The following SKAP1 variants were observed in gnomAD, a reference collection of about 807,000 sequenced individuals.
The protein encoded by SKAP1 is src kinase-associated phosphoprotein 1.
Under a neutral mutation model 58.5 loss-of-function variants are expected in SKAP1, and 44 were observed. The ratio of observed to expected loss-of-function variants is 0.75; its 90% CI spans 0.59 to 0.97. SKAP1 has a LOEUF of 0.97. SKAP1 is among the 50% of genes least tolerant of loss of function. The probability of loss-of-function intolerance (pLI) is 0.00; values close to 1 mark genes in which losing one functional copy is unlikely to be tolerated. For synonymous variants in SKAP1, 127 were observed against 149.7 expected (o/e 0.85, Z 1.11); for missense variants, 390 against 435.2 (o/e 0.90, Z 0.92).
At chr17:48,193,791 T>A (rs894747307) in intron 4 of SKAP1, 3 of 931,060 alleles carry the variant, frequency 3.2e-6, no homozygotes, top group East Asian at 1.2e-4. Context: ...AACGAACAGA[T>A]CTGCAGAGAA....
intron 4 of SKAP1, chr17:48,204,158 G>A (rs976018781): frequency 1.3e-5 from 2 of 151,162 alleles, no homozygotes; most frequent in African/African-American, 4.9e-5. Flanking sequence ...ATCTCGGCTG[G>A]AGTGCAATGG....
intron 4 of SKAP1, among the ~76,000 whole-genome samples, chr17:48,294,092 T>G (rs1026310378): frequency 2.0e-5 from 3 of 152,200 alleles, no homozygotes; most frequent in African/African-American, 7.2e-5. Flanking sequence ...AAGCAAGCTG[T>G]CACACCTACA....
At chr17:48,431,824 G>A (rs1227106472), upstream of SKAP1, among the ~76,000 whole-genome samples, 1 of 152,180 alleles carries the variant, frequency 6.6e-6, no homozygotes, top group Non-Finnish European at 1.5e-5. Context: ...ACAGCCATAA[G>A]GGGAATAATG....
the SKAP1 span, among the ~76,000 whole-genome samples, chr17:48,435,994 G>A: frequency 1.8e-4 from 28 of 152,264 alleles, no homozygotes; most frequent in Non-Finnish European, 1.9e-4. Flanking sequence ...AGTGGATATC[G>A]TTGGTCCTCA....
rs1598479154 is a variant in SKAP1 at position 48,257,936 on chromosome 17, T to C, written c.281-68436A>G. The stretch of plus-strand genomic sequence containing the variant: ...GATTTGCTCACAAAGGAAGAGCAGC[T>C]TTGAGAATGGGCCACATGGATGAGA... On this transcript the variant is annotated intron_variant, in intron 4 of 12. Coordinates refer to ENST00000336915, the MANE Select transcript of SKAP1 (RefSeq NM_003726.4). 5.3e-5 allele frequency among the ~76,000 whole-genome samples: 8 copies of C among 152,160 alleles called. No homozygotes were observed. The South Asian group carries it at 1.7e-3, about 32-fold the overall frequency.
At chr17:48,379,704 C>CA (rs2067192348) in intron 2 of SKAP1, among the ~76,000 whole-genome samples, 1 of 131,110 alleles carries the variant, frequency 7.6e-6, no homozygotes, top group Admixed American at 8.6e-5. Context: ...TTTTTTGAGA[C>CA]AGAGTCTTAC....
chr17:48,154,626 C>G (rs1039684140), intron 11 of SKAP1, among the ~76,000 whole-genome samples: 7 of 152,166 alleles, frequency 4.6e-5, no homozygotes, highest in African/African-American at 1.7e-4. Context: ...AGATCTCACC[C>G]AGTGGCCTCT....
At chr17:48,143,825 C>T (rs1027693193) in intron 11 of SKAP1, among the ~76,000 whole-genome samples, 3 of 152,134 alleles carry the variant, frequency 2.0e-5, no homozygotes, top group African/African-American at 7.2e-5. Context: ...ATTTGCTCCC[C>T]GGGGGTTGTT....
At chr17:48,141,194 A>C (rs2063763303) in intron 11 of SKAP1, among the ~76,000 whole-genome samples, 2 of 152,054 alleles carry the variant, frequency 1.3e-5, no homozygotes, top group South Asian at 4.1e-4. Flanking sequence ...CCTTAGGGTC[A>C]TGTAGCTATC....
chr17:48,271,109 C>G (rs1433681796), intron 4 of SKAP1, among the ~76,000 whole-genome samples: 1 of 151,924 alleles, frequency 6.6e-6, no homozygotes, highest in African/African-American at 2.4e-5. Context: ...GGAATAAACT[C>G]CTATTACACA....
intron 6 of SKAP1, among the ~76,000 whole-genome samples, chr17:48,185,364 A>G (rs1390630210): frequency 6.6e-6 from 1 of 152,202 alleles, no homozygotes. Flanking sequence ...TGCCAGAGGG[A>G]GAATAATTAA....
chr17:48,434,249 G>A (rs893118028), upstream of SKAP1, among the ~76,000 whole-genome samples: 2 of 152,198 alleles, frequency 1.3e-5, no homozygotes, highest in African/African-American at 4.8e-5. Context: ...GATGTGGAAG[G>A]AGAGATGATG....
chr17:48,335,915 G>T (rs2066561952), intron 4 of SKAP1, among the ~76,000 whole-genome samples: 1 of 152,146 alleles, frequency 6.6e-6, no homozygotes, highest in Non-Finnish European at 1.5e-5. Context: ...TCTCATATCT[G>T]AGTATGCGTA....
Position 48,286,628 on chromosome 17 carries a change from T to C in SKAP1, c.280+59277A>G, listed in dbSNP as rs147039192. Among the ~76,000 whole-genome samples, 23 of 152,178 alleles carry C rather than the reference T, an allele frequency of 1.5e-4. 1 individual carries two copies. In the East Asian group the frequency reaches 4.4e-3, roughly 29 times the overall value. On this transcript the variant is annotated intron_variant, in intron 4 of 12. Coordinates refer to ENST00000336915, the MANE Select transcript of SKAP1 (RefSeq NM_003726.4). ...AAACAACCAACTAGGAATTACTGAG[T>C]GGATCTAAGTTATATAAGCATTCAA...
At chr17:48,332,238 CTG>C in intron 4 of SKAP1, among the ~76,000 whole-genome samples, 1 of 152,098 alleles carries the variant, frequency 6.6e-6, no homozygotes, top group African/African-American at 2.4e-5. Context: ...ATTAACTTCT[CTG>C]TATGCAGGTT....
chr17:48,261,274 A>C (rs2065481397), intron 4 of SKAP1, among the ~76,000 whole-genome samples: 1 of 152,188 alleles, frequency 6.6e-6, no homozygotes, highest in Non-Finnish European at 1.5e-5. Context: ...ACAGTAAAGA[A>C]TCTATGCTTT....
intron 4 of SKAP1, among the ~76,000 whole-genome samples, chr17:48,322,318 GT>G (rs752433427): frequency 2.6e-5 from 4 of 152,174 alleles, no homozygotes; most frequent in African/African-American, 7.2e-5. Context: ...AGACTGAAAT[GT>G]TTGCTGAATT....
chr17:48,182,459 TA>T lies in SKAP1; in HGVS notation c.568-3del. On this transcript the variant is annotated splice_polypyrimidine_tract_variant and splice_region_variant and intron_variant, in intron 7 of 12. Transcript: ENST00000336915. ...TTCTGCTGGACTAGTAGCTGTAAAC[TA>T]GAGAAAAATCAGTGAATTAATTTAT... 6.2e-7 allele frequency: 1 copy of T among 1,602,418 alleles called. No homozygotes were observed. Among genetic ancestry groups the T allele is most frequent in the African/African-American group, 1.3e-5 (1 of 74,564 alleles).
intron 4 of SKAP1, among the ~76,000 whole-genome samples, chr17:48,283,168 G>A (rs2065788910): frequency 6.6e-6 from 1 of 152,120 alleles, no homozygotes; most frequent in African/African-American, 2.4e-5. Flanking sequence ...TGTGAGTCAA[G>A]ACAAACAAGC....
Sources: gnomAD v4.1 joint callset for allele counts (sites outside exome capture counted in the v4.1 genomes callset) on GRCh38, gnomAD v4.1.1 for gene constraint, MANE v1.5 for transcripts, NCBI Gene and HGNC (gene_info 2026-07-23, HGNC 2026-07-21) for gene names.